Variants in DOCK2 observed in about 807,000 individuals in gnomAD.
DOCK2 encodes dedicator of cytokinesis 2, also known as dedicator of cytokinesis protein 2.
A neutral mutation model predicts 248.9 loss-of-function variants in DOCK2; 87 were observed. That is an observed-to-expected ratio of 0.35 (90% confidence interval 0.29 to 0.42). The LOEUF (loss-of-function observed/expected upper bound fraction) is 0.42. DOCK2 is among the 10% of genes least tolerant of loss of function. DOCK2 has a pLI of 1.00. For missense variants in DOCK2, 1,747 were observed against 2,300.2 expected (o/e 0.76, Z 4.92); for synonymous variants, 805 against 821.6 (o/e 0.98, Z 0.35).
intron 26 of DOCK2, among the ~76,000 whole-genome samples, chr5:169,822,296 C>T (rs1768507917): frequency 1.3e-5 from 2 of 152,212 alleles, no homozygotes; most frequent in South Asian, 4.1e-4. Flanking sequence ...ACTCTCCACC[C>T]CAAATCAACA....
rs11959385 is a variant in DOCK2 at position 169,639,970 on chromosome 5, C to T, written c.43+2601C>T. Among the ~76,000 whole-genome samples the T allele has an allele frequency of 3.4e-3, 511 of 152,316 alleles. 1 individual carries two copies. The highest frequency in any genetic ancestry group is 0.012 in the African/African-American group (492 of 41,560). ...AAGATCAAAGCACCACCAGGGTTGGCTTGTCTCATGGCCTATCTCCATGGT... is the reference window on the plus strand; with the variant it reads ...AAGATCAAAGCACCACCAGGGTTGGTTTGTCTCATGGCCTATCTCCATGGT... On this transcript the variant is annotated intron_variant, in intron 1 of 51. Transcript: ENST00000520908.
At chr5:169,867,313 G>T (rs771497948) in intron 27 of DOCK2, among the ~76,000 whole-genome samples, 2 of 152,130 alleles carry the variant, frequency 1.3e-5, no homozygotes, top group Non-Finnish European at 2.9e-5. Flanking sequence ...GTTTCCTGAG[G>T]CCTGCTCCTG....
intron 27 of DOCK2, among the ~76,000 whole-genome samples, chr5:169,932,812 C>T (rs1775816824): frequency 2.0e-5 from 3 of 152,030 alleles, no homozygotes; most frequent in South Asian, 2.1e-4. Context: ...TAAATAGTGG[C>T]TTCCTTGTCT....
chr5:169,907,446 C>T (rs896661882), intron 27 of DOCK2, among the ~76,000 whole-genome samples: 2 of 152,184 alleles, frequency 1.3e-5, no homozygotes, highest in Non-Finnish European at 1.5e-5. Context: ...TGCAGAGAAG[C>T]AGCTAAAATC....
intron 27 of DOCK2, among the ~76,000 whole-genome samples, chr5:169,881,593 A>G (rs1229820419): frequency 1.3e-5 from 2 of 152,242 alleles, no homozygotes; most frequent in African/African-American, 4.8e-5. Context: ...CAAGAATGTC[A>G]CGACAATAGG....
chr5:169,996,234 C>A, intron 30 of DOCK2, 70 bp downstream of exon 30: 2 of 1,487,570 alleles, frequency 1.3e-6, no homozygotes, highest in South Asian at 2.4e-5. Context: ...GCTGATTGCT[C>A]CATCAGACAC....
In DOCK2 at chr5:170,082,978, CT is replaced by C; in HGVS notation, c.*122del. The C allele has an allele frequency of 7.5e-7, 1 of 1,332,210 alleles. No homozygotes were observed. Among genetic ancestry groups the C allele is most frequent in the Non-Finnish European group, 1.1e-6 (1 of 951,340 alleles). The allele number at this position is 1,332,210 out of a possible 1,614,324, so 82.5% of individuals were successfully genotyped here. The stretch of plus-strand genomic sequence containing the variant: ...AGACTGTCCCCATCAGTTGTCCTTA[CT>C]TAGAGGAGACAGAGAGGCCAATCAG... On this transcript the variant is annotated 3_prime_UTR_variant, in exon 52 of 52. Transcript: ENST00000520908.
In DOCK2 at chr5:170,067,621, C is replaced by T; in HGVS notation, c.4579C>T (p.Leu1527Phe). 1 of 1,614,222 alleles carries T rather than the reference C, an allele frequency of 6.2e-7. No individual in the cohort carries two copies. Among genetic ancestry groups the T allele is most frequent in the Non-Finnish European group, 8.5e-7 (1 of 1,180,034 alleles). ...QSDETLPINP[L>F]SMLLNGIVDP... Reference sequence around the variant, plus strand: ...TGATGAGACCCTCCCCATCAACCCACTCTCCATGCTCCTGAACGGGATTGT... The same window carrying T: ...TGATGAGACCCTCCCCATCAACCCATTCTCCATGCTCCTGAACGGGATTGT... Residue 1527 changes from leucine to phenylalanine, a missense_variant, in exon 45 of 52, where the codon CTC becomes TTC. Physicochemically the swap from Leu to Phe is conservative, Grantham distance 22. Coordinates refer to ENST00000520908, the MANE Select transcript of DOCK2 (RefSeq NM_004946.3).
intron 26 of DOCK2, among the ~76,000 whole-genome samples, chr5:169,819,974 T>C (rs1768320022): frequency 6.6e-6 from 1 of 152,182 alleles, no homozygotes; most frequent in Admixed American, 6.5e-5. Context: ...GGAGACTATA[T>C]CCCGTGCCTG....
intron 2 of DOCK2, among the ~76,000 whole-genome samples, chr5:169,664,479 A>G (rs577907320): frequency 3.2e-4 from 48 of 152,276 alleles, no homozygotes; most frequent in African/African-American, 1.1e-3. Context: ...AAGTTTCTGT[A>G]TTATTCTGTT....
At chr5:169,834,890 A>C (rs1769465206) in intron 26 of DOCK2, among the ~76,000 whole-genome samples, 1 of 151,078 alleles carries the variant, frequency 6.6e-6, no homozygotes, top group South Asian at 2.1e-4. Context: ...CTTGGAGGAC[A>C]CAGACTCTGT....
At position 169,954,911 on chromosome 5, in the gene DOCK2, G is replaced by A. The variant is rs369046098; in HGVS notation, c.2800-28157G>A. Among the ~76,000 whole-genome samples, 27 of 152,326 alleles carry A rather than the reference G, an allele frequency of 1.8e-4. 1 individual carries two copies. The South Asian group carries it at 4.8e-3, about 27-fold the overall frequency. On this transcript the variant is annotated intron_variant, in intron 27 of 51. Transcript: ENST00000520908. ...AGCCAGGGGAGCGTGGGTGAAATATGAGCAGACGTTTTCACCAGCTGTTAA... is the reference window on the plus strand; with the variant it reads ...AGCCAGGGGAGCGTGGGTGAAATATAAGCAGACGTTTTCACCAGCTGTTAA...
At chr5:169,660,046 A>G (rs1403695190) in intron 2 of DOCK2, among the ~76,000 whole-genome samples, 1 of 152,180 alleles carries the variant, frequency 6.6e-6, no homozygotes, top group African/African-American at 2.4e-5. Flanking sequence ...TCTCTACTGA[A>G]ATAAGCCCTC....
chr5:169,714,477 G>A lies in DOCK2; in HGVS notation c.1941+20G>A, dbSNP rs760046238. The A allele has an allele frequency of 1.2e-6, 2 of 1,613,044 alleles. No homozygotes were observed. The highest frequency in any genetic ancestry group is 1.1e-5 in the South Asian group (1 of 90,978). On this transcript the variant is annotated intron_variant, in intron 19 of 51. Coordinates refer to ENST00000520908, the MANE Select transcript of DOCK2 (RefSeq NM_004946.3). ...GTGAAGGTCAGTGGGGCTTCATTTT[G>A]ATTGTATTCTTACACTAGTGACAGA...
At chr5:169,959,363 C>T (rs187025189) in intron 27 of DOCK2, among the ~76,000 whole-genome samples, 118 of 150,192 alleles carry the variant, frequency 7.9e-4, no homozygotes, top group African/African-American at 2.7e-3. Context: ...AGAGAGACTC[C>T]GTCTCAAAAG....
At chr5:169,677,197 T>C (rs1337395162) in intron 6 of DOCK2, among the ~76,000 whole-genome samples, 1 of 152,150 alleles carries the variant, frequency 6.6e-6, no homozygotes, top group Non-Finnish European at 1.5e-5. Context: ...ACTCCCTAAA[T>C]TCCTACAGCT....
intron 1 of DOCK2, among the ~76,000 whole-genome samples, chr5:169,644,514 A>G (rs1427244357): frequency 6.6e-6 from 1 of 152,108 alleles, no homozygotes; most frequent in Non-Finnish European, 1.5e-5. Flanking sequence ...GAATAGCTAG[A>G]AGAATGAGGG....
At chr5:169,826,372 TC>T (rs1768859437) in intron 26 of DOCK2, among the ~76,000 whole-genome samples, 1 of 152,074 alleles carries the variant, frequency 6.6e-6, no homozygotes, top group Admixed American at 6.6e-5. Context: ...GAAGGACATC[TC>T]AGACACAGAG....
chr5:170,034,586 C>T, intron 35 of DOCK2, 31 bp downstream of exon 35: 2 of 1,611,718 alleles, frequency 1.2e-6, no homozygotes, highest in South Asian at 2.2e-5. Flanking sequence ...CAAGTCAGAC[C>T]AGAACCCTGT....
Sources: gnomAD v4.1 joint callset for allele counts (sites outside exome capture counted in the v4.1 genomes callset) on GRCh38, gnomAD v4.1.1 for gene constraint, MANE v1.5 for transcripts, NCBI Gene and HGNC (gene_info 2026-07-23, HGNC 2026-07-21) for gene names.